EDRF1: variants seen among roughly 807,000 people sequenced by gnomAD.
The protein encoded by EDRF1 is erythroid differentiation regulatory factor 1.
In EDRF1, 69 loss-of-function variants were observed where a neutral mutation model predicts 148.7. The ratio of observed to expected loss-of-function variants is 0.46; its 90% CI spans 0.38 to 0.57. The LOEUF (loss-of-function observed/expected upper bound fraction) is 0.57, where lower values mean the gene tolerates loss of function less well. Among genes scored for constraint, EDRF1 ranks in the 20% least tolerant of loss-of-function variants. The pLI is 0.00. For synonymous variants in EDRF1, 515 were observed against 532.8 expected (o/e 0.97, Z 0.46); for missense variants, 1,118 against 1,478.7 (o/e 0.76, Z 4.00).
At chr10:125,747,501 T>A (rs1359352027) in intron 19 of EDRF1, 35 bp from the exon 20 acceptor site, 1 of 1,612,834 alleles carries the variant, frequency 6.2e-7, no homozygotes. Context: ...ATGTTTAAGC[T>A]GAGTCAGAAA....
At chr10:125,753,453 C>T (rs767429616) in intron 23 of EDRF1, among the ~76,000 whole-genome samples, 1 of 152,140 alleles carries the variant, frequency 6.6e-6, no homozygotes, top group Non-Finnish European at 1.5e-5. Context: ...TACATTTCTG[C>T]GTTGTGTCTA....
At chr10:125,727,934 T>C (rs1229288533) in intron 6 of EDRF1, among the ~76,000 whole-genome samples, 1 of 152,160 alleles carries the variant, frequency 6.6e-6, no homozygotes, top group African/African-American at 2.4e-5. Context: ...CAGTGGCTTA[T>C]GCCTGTAATC....
At chr10:125,722,547 G>A (rs1005181930) in intron 2 of EDRF1, among the ~76,000 whole-genome samples, 4 of 152,088 alleles carry the variant, frequency 2.6e-5, no homozygotes, top group African/African-American at 9.7e-5. Flanking sequence ...GGCATCAGTT[G>A]GCTGCTCAAT....
chr10:125,754,634 T>A (rs1849808302), intron 24 of EDRF1, among the ~76,000 whole-genome samples: 1 of 152,216 alleles, frequency 6.6e-6, no homozygotes, highest in Non-Finnish European at 1.5e-5. Context: ...CTTGTTGCGC[T>A]TACATTCTTT....
intron 24 of EDRF1, among the ~76,000 whole-genome samples, chr10:125,762,879 G>A (rs930809966): frequency 2.0e-5 from 3 of 152,074 alleles, no homozygotes; most frequent in Non-Finnish European, 4.4e-5. Context: ...GCCCTCACCC[G>A]GCTCCACTGC....
At chr10:125,756,646 G>T (rs1435591080) in intron 24 of EDRF1, 4 of 308,828 alleles carry the variant, frequency 1.3e-5, no homozygotes, top group African/African-American at 9.2e-5. Flanking sequence ...TGTGATATCT[G>T]GGAGAACTGA....
At chr10:125,738,517 A>G in intron 15 of EDRF1, 72 bp downstream of exon 15, 1 of 1,574,572 alleles carries the variant, frequency 6.4e-7, no homozygotes, top group Non-Finnish European at 8.7e-7. Flanking sequence ...CAGCAGACTT[A>G]TGTCAATTAA....
intron 17 of EDRF1, chr10:125,742,839 A>T: frequency 1.1e-6 from 1 of 920,968 alleles, no homozygotes; most frequent in Non-Finnish European, 1.3e-6. Context: ...ATAGGCAGGA[A>T]AATATTTTTA....
At chr10:125,759,852 A>G (rs566629979) in intron 24 of EDRF1, among the ~76,000 whole-genome samples, 4 of 152,132 alleles carry the variant, frequency 2.6e-5, no homozygotes, top group Non-Finnish European at 5.9e-5. Context: ...CTGGGACTAC[A>G]GGCATCCGCC....
chr10:125,758,020 G>T (rs1849999486), intron 24 of EDRF1, among the ~76,000 whole-genome samples: 1 of 152,026 alleles, frequency 6.6e-6, no homozygotes, highest in Non-Finnish European at 1.5e-5. Flanking sequence ...TTCCGTTCTG[G>T]TTTTTTTGAT....
rs892590960 is a variant in EDRF1 at position 125,738,044 on chromosome 10, A to C, written c.1830+55A>C. On this transcript the variant is annotated intron_variant, in intron 14 of 24. Coordinates refer to ENST00000356792, the MANE Select transcript of EDRF1 (RefSeq NM_001202438.2). ...CGTAAAGTTTGTACTTGATTATGCA[A>C]ATTACACTTGTTTGTTGGTATCTAA... The C allele has an allele frequency of 3.9e-6, 6 of 1,532,358 alleles. No individual in the cohort carries two copies. In the South Asian group the frequency reaches 5.6e-5, roughly 14 times the overall value. 94.9% of individuals were successfully genotyped at this position (1,532,358 alleles called of 1,614,324 possible).
intron 13 of EDRF1, among the ~76,000 whole-genome samples, chr10:125,736,426 T>C (rs777444205): frequency 2.0e-5 from 3 of 152,270 alleles, no homozygotes; most frequent in East Asian, 1.9e-4. Context: ...CCTGTGTGGA[T>C]TGCACTGACT....
intron 22 of EDRF1, among the ~76,000 whole-genome samples, chr10:125,750,812 C>A (rs1395201202): frequency 6.6e-6 from 1 of 152,182 alleles, no homozygotes; most frequent in Non-Finnish European, 1.5e-5. Context: ...GGGACAGTCA[C>A]CAGAATTAAC....
At chr10:125,745,607 C>A in intron 18 of EDRF1, 100 bp from the exon 19 acceptor site, 1 of 1,264,706 alleles carries the variant, frequency 7.9e-7, no homozygotes, top group Non-Finnish European at 1.1e-6. Context: ...CGCCACCACA[C>A]TCCTGTCACT....
chr10:125,756,677 T>C (rs1849913244), intron 24 of EDRF1: 2 of 332,564 alleles, frequency 6.0e-6, no homozygotes, highest in South Asian at 4.9e-5. Flanking sequence ...ACTACAGATG[T>C]CCGTCCCTCT....
chr10:125,738,551 A>G (rs537987504), intron 15 of EDRF1, 106 bp downstream of exon 15: 1 of 1,342,120 alleles, frequency 7.5e-7, no homozygotes, highest in Admixed American at 1.8e-5. Flanking sequence ...AGGCATTGAG[A>G]AAAAGATATC....
At chr10:125,742,983 A>G in intron 17 of EDRF1, 75 bp from the exon 18 acceptor site, 1 of 1,571,964 alleles carries the variant, frequency 6.4e-7, no homozygotes, top group Non-Finnish European at 8.6e-7. Flanking sequence ...AGAATTTAGA[A>G]TCTCAGGTTC....
rs777182928 is a variant in EDRF1 at position 125,752,839 on chromosome 10, G to A, written c.3318G>A (p.Gly1106=). 3.1e-6 allele frequency: 5 copies of A among 1,613,912 alleles called. No individual in the cohort carries two copies. In the East Asian group the frequency reaches 1.1e-4, roughly 36 times the overall value. ...SNVGKLKTLS[G]ALDIMVRTEH... The stretch of plus-strand genomic sequence containing the variant: ...TTGGAAAGTTGAAAACACTATCTGG[G>A]GCTCTTGATATAATGGTGAGAACTG... Residue 1106 remains glycine, a synonymous_variant, in exon 23 of 25, where the codon GGG becomes GGA. Transcript: ENST00000356792.
At chr10:125,753,018 CATGT>C in intron 23 of EDRF1, 104 bp downstream of exon 23, 1 of 790,042 alleles carries the variant, frequency 1.3e-6, no homozygotes, top group Non-Finnish European at 2.2e-6. Context: ...TATATACACA[CATGT>C]ACATATGTAT....
Sources: gnomAD v4.1 joint callset for allele counts (sites outside exome capture counted in the v4.1 genomes callset) on GRCh38, gnomAD v4.1.1 for gene constraint, MANE v1.5 for transcripts, NCBI Gene and HGNC (gene_info 2026-07-23, HGNC 2026-07-21) for gene names.